CAMTA1: variants seen among roughly 807,000 people sequenced by gnomAD.
The protein encoded by CAMTA1 is calmodulin-binding transcription activator 1.
Under a neutral mutation model 170.9 loss-of-function variants are expected in CAMTA1, and 27 were observed. The observed-to-expected ratio is 0.16, with a 90% CI of 0.12 to 0.22. The LOEUF (loss-of-function observed/expected upper bound fraction) is 0.22, where lower values mean the gene tolerates loss of function less well. Among genes scored for constraint, CAMTA1 ranks in the 10% least tolerant of loss-of-function variants. The pLI, the probability that CAMTA1 is intolerant of heterozygous loss-of-function variation, is 1.00. For synonymous variants in CAMTA1, 833 were observed against 891.5 expected (o/e 0.93, Z 1.17); for missense variants, 1,619 against 2,217.2 (o/e 0.73, Z 5.42).
At chr1:7,061,929 T>C (rs965433119) in intron 3 of CAMTA1, among the ~76,000 whole-genome samples, 4 of 152,184 alleles carry the variant, frequency 2.6e-5, no homozygotes, top group Non-Finnish European at 4.4e-5. Context: ...TTAAATTTTA[T>C]TTTTTTGAGA....
At chr1:7,525,978 G>T (rs1400986443) in intron 6 of CAMTA1, among the ~76,000 whole-genome samples, 1 of 152,106 alleles carries the variant, frequency 6.6e-6, no homozygotes, top group Non-Finnish European at 1.5e-5. Context: ...TGAGGCACTG[G>T]CATGGGGTAC....
chr1:7,313,786 A>G (rs1471649297), intron 5 of CAMTA1, among the ~76,000 whole-genome samples: 1 of 152,184 alleles, frequency 6.6e-6, no homozygotes, highest in African/African-American at 2.4e-5. Context: ...TTTACTAGGA[A>G]AGAAGTACGT....
chr1:6,883,575 C>G (rs1672242875), intron 3 of CAMTA1, among the ~76,000 whole-genome samples: 1 of 151,994 alleles, frequency 6.6e-6, no homozygotes. Flanking sequence ...GAGGATAGAC[C>G]ATGTGGTCTA....
chr1:7,000,089 G>C (rs1046819346), intron 3 of CAMTA1, among the ~76,000 whole-genome samples: 1 of 152,350 alleles, frequency 6.6e-6, no homozygotes, highest in Middle Eastern at 3.4e-3. Flanking sequence ...CTGGGTGAGG[G>C]GCTGGTGCTT....
chr1:7,605,723 T>C (rs2095481055), intron 6 of CAMTA1, among the ~76,000 whole-genome samples: 1 of 152,238 alleles, frequency 6.6e-6, no homozygotes, highest in East Asian at 1.9e-4. Context: ...CCTAGTGAGA[T>C]GAACCCGGTA....
chr1:7,257,079 G>GT (rs769828715), intron 5 of CAMTA1, among the ~76,000 whole-genome samples: 7 of 150,214 alleles, frequency 4.7e-5, no homozygotes, highest in African/African-American at 1.7e-4. Flanking sequence ...CGCATGGCGG[G>GT]GGCGGGGGTT....
chr1:6,943,675 C>T (rs183826252), intron 3 of CAMTA1, among the ~76,000 whole-genome samples: 17 of 151,800 alleles, frequency 1.1e-4, no homozygotes, highest in African/African-American at 4.1e-4. Context: ...GTGAAACCCC[C>T]GTCTCTACTA....
chr1:7,704,238 C>G (rs962746151), intron 11 of CAMTA1, among the ~76,000 whole-genome samples: 1 of 146,542 alleles, frequency 6.8e-6, no homozygotes, highest in African/African-American at 2.4e-5. Context: ...GAGCTTCGGG[C>G]GGCCCCGACG....
chr1:7,463,379 GGAGA>G lies in CAMTA1; in HGVS notation c.439-4448_439-4445del, dbSNP rs1475577686. On this transcript the variant is annotated intron_variant, in intron 5 of 22. Transcript: ENST00000303635. The surrounding 1 kb of genome is among the most constrained non-coding windows in gnomAD (Gnocchi z 4.7). Reference sequence around the variant, plus strand: ...CAGAGAAAGATGGAGAGAGATAGCAGGAGAGACAGAGACAGATACAGAAACGGAG... The same window carrying G: ...CAGAGAAAGATGGAGAGAGATAGCAGGACAGAGACAGATACAGAAACGGAG... Among the ~76,000 whole-genome samples the G allele has an allele frequency of 6.6e-6, 1 of 151,592 alleles. No homozygotes were observed. The highest frequency in any genetic ancestry group is 2.4e-5 in the African/African-American group (1 of 41,172).
chr1:7,349,164 G>A (rs1475205284), intron 5 of CAMTA1, among the ~76,000 whole-genome samples: 3 of 152,208 alleles, frequency 2.0e-5, no homozygotes, highest in Non-Finnish European at 4.4e-5. Context: ...GTTAACGACA[G>A]CACAGAATAG....
chr1:7,315,497 G>A (rs958812358), intron 5 of CAMTA1, among the ~76,000 whole-genome samples: 2 of 152,304 alleles, frequency 1.3e-5, no homozygotes, highest in African/African-American at 2.4e-5. Flanking sequence ...GGCTTTTACC[G>A]TGGTGAATCA....
At chr1:7,459,338 C>A (rs1445758191) in intron 5 of CAMTA1, among the ~76,000 whole-genome samples, 1 of 152,140 alleles carries the variant, frequency 6.6e-6, no homozygotes, top group Non-Finnish European at 1.5e-5. Flanking sequence ...CTCTCCTTGC[C>A]CCACACAGGA....
intron 22 of CAMTA1, among the ~76,000 whole-genome samples, chr1:7,765,944 G>A (rs1481439115): frequency 1.3e-5 from 2 of 150,810 alleles, no homozygotes; most frequent in Non-Finnish European, 3.0e-5. Flanking sequence ...GGAGAATTGC[G>A]TGAACCCGGG....
intron 3 of CAMTA1, among the ~76,000 whole-genome samples, chr1:6,830,907 C>T (rs2148578010): frequency 6.6e-6 from 1 of 152,194 alleles, no homozygotes; most frequent in African/African-American, 2.4e-5. Context: ...CAAGCTCCAC[C>T]TCCCAAGTTC....
At chr1:7,252,136 C>A (rs541082425) in intron 5 of CAMTA1, among the ~76,000 whole-genome samples, 1 of 152,232 alleles carries the variant, frequency 6.6e-6, no homozygotes. Context: ...CATAGGCAAC[C>A]TGGACCCAGA....
At position 7,144,047 on chromosome 1, in the gene CAMTA1, G is replaced by A. The variant is rs190470818; in HGVS notation, c.302+52676G>A. On this transcript the variant is annotated intron_variant, in intron 4 of 22. Coordinates refer to ENST00000303635, the MANE Select transcript of CAMTA1 (RefSeq NM_015215.4). The surrounding 1 kb of genome is among the most constrained non-coding windows in gnomAD (Gnocchi z 4.0). ...TAGGTATGCAATTTTAATTGCATCTGTCTTAAGTCAGGCTGCCGTAACAAA... is the reference window on the plus strand; with the variant it reads ...TAGGTATGCAATTTTAATTGCATCTATCTTAAGTCAGGCTGCCGTAACAAA... Among the ~76,000 whole-genome samples, 1 of 152,278 alleles carries A rather than the reference G, an allele frequency of 6.6e-6. No individual in the cohort carries two copies. The highest frequency in any genetic ancestry group is 6.5e-5 in the Admixed American group (1 of 15,294).
chr1:7,266,229 C>T (rs143646402), intron 5 of CAMTA1, among the ~76,000 whole-genome samples: 264 of 152,288 alleles, frequency 1.7e-3, no homozygotes, highest in African/African-American at 5.8e-3. Context: ...GAACATGGTT[C>T]AGTTGCGGCC....
intron 7 of CAMTA1, among the ~76,000 whole-genome samples, chr1:7,647,692 T>A (rs1341327748): frequency 6.6e-6 from 1 of 152,182 alleles, no homozygotes; most frequent in Admixed American, 6.5e-5. Context: ...TGATCCAGTA[T>A]CACCTGGCTG....
At chr1:7,112,717 T>C (rs1431122661) in intron 4 of CAMTA1, among the ~76,000 whole-genome samples, 2 of 152,232 alleles carry the variant, frequency 1.3e-5, no homozygotes, top group Non-Finnish European at 2.9e-5. Context: ...AGGGCAGGGT[T>C]ACAGTTACAC....
Sources: allele counts gnomAD v4.1 joint callset (sites outside exome capture counted in the v4.1 genomes callset), GRCh38; gene constraint gnomAD v4.1.1; non-coding constraint Gnocchi (gnomAD v3.1); transcripts MANE v1.5; gene names NCBI Gene and HGNC (gene_info 2026-07-23, HGNC 2026-07-21).